Variants in LPP observed in about 807,000 individuals in gnomAD.
LPP encodes the protein LIM domain containing preferred translocation partner in lipoma.
In LPP, 38 loss-of-function variants were observed where a neutral mutation model predicts 60.4. The ratio of observed to expected loss-of-function variants is 0.63; its 90% CI spans 0.49 to 0.83. The LOEUF (loss-of-function observed/expected upper bound fraction) is 0.83. LPP is among the 40% of genes least tolerant of loss of function. LPP has a pLI of 0.00. For synonymous variants in LPP, 328 were observed against 290.8 expected (o/e 1.13, Z -1.30); for missense variants, 902 against 783.6 (o/e 1.15, Z -1.80).
intron 9 of LPP, among the ~76,000 whole-genome samples, chr3:188,790,050 G>A (rs1020531890): frequency 1.3e-5 from 2 of 152,008 alleles, no homozygotes; most frequent in East Asian, 1.9e-4. Flanking sequence ...CCTGCAACTC[G>A]ATTTCAGACA....
chr3:188,563,259 G>A (rs1167928303), intron 6 of LPP, among the ~76,000 whole-genome samples: 4 of 151,796 alleles, frequency 2.6e-5, no homozygotes, highest in Admixed American at 6.6e-5. Context: ...TATATATGCT[G>A]GCAATATACA....
At chr3:188,274,125 A>G (rs1009096644) in intron 2 of LPP, among the ~76,000 whole-genome samples, 1 of 151,978 alleles carries the variant, frequency 6.6e-6, no homozygotes, top group Admixed American at 6.5e-5. Flanking sequence ...GAATTCATTT[A>G]TTCTAAATTT....
In LPP at chr3:188,771,562, AAAAAG is replaced by A. The variant is rs1221339014; in HGVS notation, c.1410+11284_1410+11288del. On this transcript the variant is annotated intron_variant, in intron 9 of 11. Coordinates refer to ENST00000617246, the MANE Select transcript of LPP (RefSeq NM_001375462.1). ...GAGACTCCATCTCAAAAAAAAAAAAAAAAAGAAAGAAAGAAAGAAAGGGAGAAAGA... is the reference window on the plus strand; with the variant it reads ...GAGACTCCATCTCAAAAAAAAAAAAAAAAGAAAGAAAGAAAGGGAGAAAGA... Among the ~76,000 whole-genome samples the A allele has an allele frequency of 2.5e-3, 300 of 119,856 alleles. 2 individuals are homozygous for A. The highest frequency in any genetic ancestry group is 8.3e-3 in the African/African-American group (250 of 30,204). The allele number at this position is 119,856 out of a possible 152,430, so 78.6% of individuals were successfully genotyped here.
chr3:188,399,359 G>GT (rs201706465), intron 3 of LPP, among the ~76,000 whole-genome samples: 67 of 134,926 alleles, frequency 5.0e-4, no homozygotes, highest in South Asian at 2.4e-3. Flanking sequence ...TAAAGAGAAT[G>GT]TTTAAAAAAA....
At chr3:188,349,586 A>C (rs1765299481) in intron 3 of LPP, among the ~76,000 whole-genome samples, 1 of 152,196 alleles carries the variant, frequency 6.6e-6, no homozygotes, top group African/African-American at 2.4e-5. Flanking sequence ...CTCAGACATT[A>C]CTGGCTGAGT....
chr3:188,636,726 GCCT>G (rs888688059), intron 7 of LPP, among the ~76,000 whole-genome samples: 9 of 152,018 alleles, frequency 5.9e-5, no homozygotes, highest in East Asian at 1.9e-4. Context: ...TGGGCAGACT[GCCT>G]CCTCAAGTGG....
intron 5 of LPP, among the ~76,000 whole-genome samples, chr3:188,487,541 A>G (rs991463593): frequency 1.3e-5 from 2 of 152,242 alleles, no homozygotes; most frequent in African/African-American, 4.8e-5. Context: ...CGGTTTGCCA[A>G]ATGGAAAAGG....
chr3:188,855,796 G>A (rs986572632), intron 9 of LPP, among the ~76,000 whole-genome samples: 5 of 152,100 alleles, frequency 3.3e-5, no homozygotes, highest in African/African-American at 1.2e-4. Flanking sequence ...TATAGCTGAC[G>A]GAATTTAGGC....
intron 2 of LPP, among the ~76,000 whole-genome samples, chr3:188,252,170 C>T (rs1353673350): frequency 7.9e-5 from 8 of 101,894 alleles, no homozygotes; most frequent in Admixed American, 2.3e-4. Context: ...CTTCCCCAAA[C>T]ATATATATAT....
intron 1 of LPP, among the ~76,000 whole-genome samples, chr3:188,216,461 G>A (rs910337300): frequency 6.6e-6 from 1 of 151,946 alleles, no homozygotes; most frequent in Non-Finnish European, 1.5e-5. Context: ...AGTAGAGACG[G>A]GGTTTCACCA....
intron 6 of LPP, among the ~76,000 whole-genome samples, chr3:188,605,539 A>G (rs148446931): frequency 6.6e-6 from 1 of 152,310 alleles, no homozygotes; most frequent in Admixed American, 6.5e-5. Context: ...ATTTGGGCTT[A>G]GTATTCAGAA....
chr3:188,282,383 G>A (rs1335859224), intron 2 of LPP, among the ~76,000 whole-genome samples: 2 of 152,264 alleles, frequency 1.3e-5, no homozygotes, highest in Middle Eastern at 3.4e-3. Context: ...CCATGGTAGC[G>A]CAGGAGGGAT....
At chr3:188,669,358 CGAAGTCAG>C (rs1489194051) in intron 7 of LPP, among the ~76,000 whole-genome samples, 4 of 152,050 alleles carry the variant, frequency 2.6e-5, no homozygotes, top group Non-Finnish European at 5.9e-5. Flanking sequence ...GGGCGGATCA[CGAAGTCAG>C]GAGATCGAGA....
At chr3:188,499,552 C>G (rs1811219391) in intron 5 of LPP, among the ~76,000 whole-genome samples, 1 of 152,102 alleles carries the variant, frequency 6.6e-6, no homozygotes, top group Non-Finnish European at 1.5e-5. Flanking sequence ...CGGTCCTCCA[C>G]CTTTGTTCCT....
intron 9 of LPP, among the ~76,000 whole-genome samples, chr3:188,848,672 A>G (rs897737077): frequency 2.0e-5 from 3 of 152,250 alleles, no homozygotes; most frequent in Admixed American, 1.3e-4. Context: ...TGCTCAAATC[A>G]AAAAGTGTAT....
rs114595642 is a variant in LPP at position 188,194,130 on chromosome 3, A to C, written c.-189-31275A>C. On this transcript the variant is annotated intron_variant, in intron 1 of 11. Coordinates refer to ENST00000617246, the MANE Select transcript of LPP (RefSeq NM_001375462.1). The stretch of plus-strand genomic sequence containing the variant: ...TATTCTCTGTTGGTGAGTGGCCCTC[A>C]TTCCTGGTCAGTTAGCCATGGGCTA... Among the ~76,000 whole-genome samples the C allele has an allele frequency of 4.2e-3, 647 of 152,322 alleles. 10 individuals are homozygous for C. The highest frequency in any genetic ancestry group is 0.014 in the African/African-American group (590 of 41,574).
At chr3:188,532,269 A>G (rs1452685672) in intron 6 of LPP, among the ~76,000 whole-genome samples, 2 of 151,920 alleles carry the variant, frequency 1.3e-5, no homozygotes, top group Non-Finnish European at 2.9e-5. Flanking sequence ...AAACAAACAA[A>G]CAAAACTTAG....
At chr3:188,173,155 C>T (rs918730542) in intron 1 of LPP, among the ~76,000 whole-genome samples, 2 of 152,176 alleles carry the variant, frequency 1.3e-5, no homozygotes, top group African/African-American at 4.8e-5. Flanking sequence ...AGGTGTAAGC[C>T]ACCACGCCTG....
chr3:188,592,557 G>GTTGTTGTTTGTTTTTTTTTTTTT (rs1553936334), intron 6 of LPP, among the ~76,000 whole-genome samples: 8 of 85,754 alleles, frequency 9.3e-5, no homozygotes, highest in Admixed American at 3.9e-4. Context: ...TTTTGTTTTT[G>GTTGTTGTTTGTTTTTTTTTTTTT]TTTTTTAAAT....
Sources: allele counts gnomAD v4.1 joint callset (sites outside exome capture counted in the v4.1 genomes callset), GRCh38; gene constraint gnomAD v4.1.1; transcripts MANE v1.5; gene names NCBI Gene and HGNC (gene_info 2026-07-23, HGNC 2026-07-21).